SECISBP2L: variants seen among roughly 807,000 people sequenced by gnomAD.
SECISBP2L encodes SECIS binding protein 2 like, also known as selenocysteine insertion sequence-binding protein 2-like.
A neutral mutation model predicts 114.7 loss-of-function variants in SECISBP2L; 43 were observed. That is an observed-to-expected ratio of 0.38 (90% CI 0.29 to 0.48). SECISBP2L has a LOEUF of 0.48. Among genes scored for constraint, SECISBP2L ranks in the 20% least tolerant of loss-of-function variants. The probability of loss-of-function intolerance (pLI) is 0.98; values close to 1 mark genes in which losing one functional copy is unlikely to be tolerated. For synonymous variants in SECISBP2L, 451 were observed against 439.7 expected (o/e 1.03, Z -0.32); for missense variants, 1,136 against 1,301.1 (o/e 0.87, Z 1.95).
chr15:49,028,153 T>C lies in SECISBP2L; in HGVS notation c.910A>G (p.Met304Val), dbSNP rs35892381. 7.1e-5 allele frequency: 113 copies of C among 1,581,134 alleles called. No individual in the cohort carries two copies. In the African/African-American group the frequency reaches 1.0e-3, roughly 14 times the overall value. The change falls in exon 6 of 18, where the codon ATG becomes GTG. Residue 304 changes from methionine to valine, a missense_variant. Physicochemically the swap from Met to Val is conservative, Grantham distance 21. Coordinates refer to ENST00000559471, the MANE Select transcript of SECISBP2L (RefSeq NM_001193489.2). ...SGTMNHVESS[M>V]CAGGVNWSNV... ...TGCAGAAAACAAGTACCTGCACACA[T>C]AGATGATTCCACATGCTAAAAAAAG...
chr15:49,027,830 C>T (rs561632684), intron 6 of SECISBP2L, among the ~76,000 whole-genome samples: 20 of 152,180 alleles, frequency 1.3e-4, no homozygotes, highest in Non-Finnish European at 2.5e-4. Flanking sequence ...AGGCTGGTCT[C>T]GAACTCCTGA....
chr15:48,995,621 G>A (rs1296687016), intron 17 of SECISBP2L, among the ~76,000 whole-genome samples: 1 of 151,998 alleles, frequency 6.6e-6, no homozygotes, highest in Non-Finnish European at 1.5e-5. Flanking sequence ...AAAAAAAGAA[G>A]AAAGGAAGTT....
chr15:49,024,364 C>T (rs1240012426), intron 7 of SECISBP2L, among the ~76,000 whole-genome samples: 2 of 151,766 alleles, frequency 1.3e-5, no homozygotes, highest in Non-Finnish European at 2.9e-5. Flanking sequence ...CATGTGGTGG[C>T]GGGCACCTGT....
intron 7 of SECISBP2L, 140 bp downstream of exon 7, chr15:49,027,225 A>G (rs1902762317): frequency 3.9e-6 from 2 of 517,738 alleles, no homozygotes; most frequent in Non-Finnish European, 6.9e-6. Flanking sequence ...TAAGTTTATT[A>G]GCTAAGCCAT....
intron 1 of SECISBP2L, among the ~76,000 whole-genome samples, chr15:49,041,564 T>A (rs917385087): frequency 6.6e-6 from 1 of 152,178 alleles, no homozygotes; most frequent in Non-Finnish European, 1.5e-5. Context: ...AAAGCACACG[T>A]CGGCAGAGAA....
chr15:49,043,290 CA>C (rs1357217924), intron 1 of SECISBP2L, among the ~76,000 whole-genome samples: 2 of 152,050 alleles, frequency 1.3e-5, no homozygotes, highest in Non-Finnish European at 2.9e-5. Context: ...AAAAGCTAGA[CA>C]ATTTTCTATC....
In SECISBP2L at chr15:49,017,679, C is replaced by A. The variant is rs1902564119; in HGVS notation, c.1171-51G>T. 2.4e-6 allele frequency: 3 copies of A among 1,241,838 alleles called. No individual in the cohort carries two copies. The African/African-American group carries it at 4.5e-5, about 19-fold the overall frequency. 76.9% of individuals were successfully genotyped at this position (1,241,838 alleles called of 1,614,324 possible). On this transcript the variant is annotated intron_variant, in intron 8 of 17. Coordinates refer to ENST00000559471, the MANE Select transcript of SECISBP2L (RefSeq NM_001193489.2). Reference sequence around the variant, plus strand: ...AAAGAGTTCAAGGCAAACTCCTAAACTTTTTATAATGCTTAGAAGTATTGA... The same window carrying A: ...AAAGAGTTCAAGGCAAACTCCTAAAATTTTTATAATGCTTAGAAGTATTGA...
At chr15:49,018,368 T>G (rs1036682486) in intron 8 of SECISBP2L, among the ~76,000 whole-genome samples, 1 of 152,060 alleles carries the variant, frequency 6.6e-6, no homozygotes, top group African/African-American at 2.4e-5. Context: ...GCAATTCTCC[T>G]GCCTCAGCCT....
chr15:48,995,171 CA>C (rs1566850776), intron 17 of SECISBP2L, among the ~76,000 whole-genome samples: 1 of 152,166 alleles, frequency 6.6e-6, no homozygotes, highest in African/African-American at 2.4e-5. Flanking sequence ...GTCATCTGTC[CA>C]AACCCACAGC....
At chr15:49,033,550 G>A (rs28594862) in intron 3 of SECISBP2L, among the ~76,000 whole-genome samples, 2,922 of 152,118 alleles carry the variant, frequency 0.019, 104 homozygotes, top group African/African-American at 0.068. Flanking sequence ...TAAAAAAGCT[G>A]ATCATGGCAG....
At chr15:49,037,516 G>A (rs1346965264) in intron 2 of SECISBP2L, 75 bp downstream of exon 2, 2 of 1,343,950 alleles carry the variant, frequency 1.5e-6, no homozygotes, top group Non-Finnish European at 2.1e-6. Flanking sequence ...AAGTTGCAAA[G>A]GAAAAATATT....
chr15:49,040,721 G>A lies in SECISBP2L; in HGVS notation c.25-2952C>T, dbSNP rs545783698. Among the ~76,000 whole-genome samples, 59 of 150,540 alleles carry A rather than the reference G, an allele frequency of 3.9e-4. 1 individual carries two copies. In the South Asian group the frequency reaches 0.012, roughly 30 times the overall value. On this transcript the variant is annotated intron_variant, in intron 1 of 17. Coordinates refer to ENST00000559471, the MANE Select transcript of SECISBP2L (RefSeq NM_001193489.2). ...CGGCTAATTTTTTTTTGAATTTTTA[G>A]TAGAGACGGGGTTTCACCGTGTTAG...
rs1187875390 is a variant in SECISBP2L at position 48,989,815 on chromosome 15, A to G, written c.*2429T>C. ...CAAAGAGCCAACCATGCCCACTTCA[A>G]AAAATATATAAAAACTTTCCTAATT... On this transcript the variant is annotated 3_prime_UTR_variant, in exon 18 of 18. Transcript: ENST00000559471. 2.6e-5 allele frequency: 4 copies of G among 152,402 alleles called. No individual in the cohort carries two copies. Among genetic ancestry groups the G allele is most frequent in the Non-Finnish European group, 5.9e-5 (4 of 68,028 alleles). 9.4% of individuals were successfully genotyped at this position (152,402 alleles called of 1,614,324 possible).
At chr15:49,004,729 T>C (rs1902282451) in intron 14 of SECISBP2L, among the ~76,000 whole-genome samples, 1 of 152,374 alleles carries the variant, frequency 6.6e-6, no homozygotes, top group Middle Eastern at 3.4e-3. Context: ...AGTTTCCACG[T>C]AGTTGTGCAG....
In SECISBP2L at chr15:49,011,620, A is replaced by C. The variant is rs932722372; in HGVS notation, c.1864+111T>G. The C allele has an allele frequency of 2.4e-6, 3 of 1,260,038 alleles. No individual in the cohort carries two copies. The African/African-American group carries it at 4.6e-5, about 19-fold the overall frequency. 78.1% of individuals were successfully genotyped at this position (1,260,038 alleles called of 1,614,324 possible). A position where few individuals can be genotyped will look rare whatever the true frequency, so the allele number is the denominator to read the frequency against. ...CTCTGAAGAATAAAGAGATTTATGT[A>C]AAATATGGAGCACGTCTTCCAATCA... is the stretch of plus-strand genomic sequence containing the variant. On this transcript the variant is annotated intron_variant, in intron 13 of 17. Coordinates refer to ENST00000559471, the MANE Select transcript of SECISBP2L (RefSeq NM_001193489.2).
rs752189384 is a variant in SECISBP2L, at chr15:49,035,360, T to C, written c.502A>G (p.Ser168Gly). 1.9e-6 allele frequency: 3 copies of C among 1,614,178 alleles called. No individual in the cohort carries two copies. The highest frequency in any genetic ancestry group is 1.6e-4 in the Middle Eastern group (1 of 6,062). Reference sequence around the variant, plus strand: ...TTTGGGACCACTGATCCTCTGTTACTGTTTCTGCTTCGATGGCTGGACAAT... The same window carrying C: ...TTTGGGACCACTGATCCTCTGTTACCGTTTCTGCTTCGATGGCTGGACAAT... ...FPLSSHRSRNSNRGSVVPKQQ... is the reference protein window; with the variant it reads ...FPLSSHRSRNGNRGSVVPKQQ... Residue 168 changes from serine (S) to glycine (G), a missense_variant, in exon 3 of 18, where the codon AGT (serine) becomes GGT (glycine). By Grantham distance (56) the Ser-to-Gly change is moderately conservative. This residue lies in a region of SECISBP2L where 452 missense variants were observed against 452.3 expected (regional missense o/e 1.00). Coordinates refer to ENST00000559471, the MANE Select transcript of SECISBP2L (RefSeq NM_001193489.2).
intron 7 of SECISBP2L, among the ~76,000 whole-genome samples, chr15:49,020,233 A>G (rs1902615145): frequency 6.6e-6 from 1 of 152,030 alleles, no homozygotes. Context: ...TAGAGACGTG[A>G]TCTTGCTCTG....
intron 16 of SECISBP2L, 47 bp downstream of exon 16, chr15:48,999,786 T>C (rs756169013): frequency 1.3e-6 from 2 of 1,589,242 alleles, no homozygotes; most frequent in African/African-American, 1.3e-5. Flanking sequence ...ATGTGCTATC[T>C]GGGGGATGTG....
At chr15:49,000,251 GCAATTCAA>G (rs1902174473) in intron 15 of SECISBP2L, among the ~76,000 whole-genome samples, 1 of 152,026 alleles carries the variant, frequency 6.6e-6, no homozygotes, top group Admixed American at 6.6e-5. Context: ...CAATCAAACT[GCAATTCAA>G]CAAATATTTA....
Sources: allele counts gnomAD v4.1 joint callset (sites outside exome capture counted in the v4.1 genomes callset), GRCh38; gene constraint gnomAD v4.1.1; regional missense constraint gnomAD v4.1.1; transcripts MANE v1.5; gene names NCBI Gene and HGNC (gene_info 2026-07-23, HGNC 2026-07-21).